PKHD1L1: variants seen among roughly 807,000 people sequenced by gnomAD.
PKHD1L1 encodes fibrocystin-L.
In PKHD1L1, 434 loss-of-function variants were observed where a neutral mutation model predicts 462.9. That is an observed-to-expected ratio of 0.94 (90% CI 0.87 to 1.02). PKHD1L1 has a LOEUF of 1.02. Ranked by LOEUF, PKHD1L1 falls within the 50% of genes least tolerant of loss-of-function variation. The probability of loss-of-function intolerance (pLI) is 0.00; values close to 1 mark genes in which losing one functional copy is unlikely to be tolerated. For synonymous variants in PKHD1L1, 1,781 were observed against 1,750.0 expected (o/e 1.02, Z -0.44); for missense variants, 5,202 against 5,096.1 (o/e 1.02, Z -0.63).
At chr8:109,521,724 G>A (rs1027901897) in intron 73 of PKHD1L1, among the ~76,000 whole-genome samples, 2 of 152,044 alleles carry the variant, frequency 1.3e-5, no homozygotes, top group Non-Finnish European at 2.9e-5. Context: ...AGTAACAATT[G>A]GTTAGTAATT....
chr8:109,452,500 A>AT (rs1182049319), intron 42 of PKHD1L1, among the ~76,000 whole-genome samples: 13 of 151,604 alleles, frequency 8.6e-5, no homozygotes, highest in Non-Finnish European at 1.9e-4. Context: ...TTGGTAATAG[A>AT]TTTTTTAAAC....
intron 50 of PKHD1L1, among the ~76,000 whole-genome samples, chr8:109,473,457 A>C (rs900275838): frequency 6.6e-6 from 1 of 151,736 alleles, no homozygotes; most frequent in Non-Finnish European, 1.5e-5. Flanking sequence ...CAGAGTTTGC[A>C]GTGAGCCGAG....
Position 109,461,876 on chromosome 8 carries a change from A to T in PKHD1L1, c.7351A>T (p.Asn2451Tyr). 1 of 1,604,436 alleles carries T rather than the reference A, an allele frequency of 6.2e-7. No individual in the cohort carries two copies. Among genetic ancestry groups the T allele is most frequent in the Non-Finnish European group, 8.5e-7 (1 of 1,175,024 alleles). ...GTTTCATGCTCCTGTACCTGGTGCT[A>T]ACATGGTAACTGGGAGAATAGAATA... ...VMFHAPVPGA[N>Y]MVTGRIEYVE... The change falls in exon 48 of 78, where the codon AAC (asparagine) becomes TAC (tyrosine). Residue 2451 changes from asparagine to tyrosine, a missense_variant. By Grantham distance (143) the Asn-to-Tyr change is moderately radical. This residue lies in a region of PKHD1L1 where 4,497 missense variants were observed against 4,336.8 expected (regional missense o/e 1.04). Transcript: ENST00000378402.
chr8:109,364,977 T>C (rs1000956204), intron 2 of PKHD1L1, among the ~76,000 whole-genome samples: 7 of 152,274 alleles, frequency 4.6e-5, no homozygotes, highest in Admixed American at 3.3e-4. Context: ...AAATAAAACA[T>C]TTTGTGGGTG....
At position 109,523,252 on chromosome 8, in the gene PKHD1L1, G is replaced by A. The variant is rs1373898694; in HGVS notation, c.12350G>A (p.Gly4117Glu). The change falls in exon 76 of 78, where the codon GGA (glycine) becomes GAA (glutamate). Residue 4117 changes from glycine (G) to glutamate (E), a missense_variant. This residue lies in a region of PKHD1L1 where 698 missense variants were observed against 736.3 expected (regional missense o/e 0.95). Transcript: ENST00000378402. ...TTTTAGGGTAACTGTGTATCAGTTG[G>A]AATTACTGCACTAACTTTGAGGGCC... ...TDSDGNCVSV[G>E]ITALTLRAIL... 1.2e-6 allele frequency: 2 copies of A among 1,604,900 alleles called. No homozygotes were observed. Among genetic ancestry groups the A allele is most frequent in the Non-Finnish European group, 1.7e-6 (2 of 1,174,402 alleles).
At chr8:109,411,038 T>C (rs1813833730) in intron 19 of PKHD1L1, among the ~76,000 whole-genome samples, 1 of 152,026 alleles carries the variant, frequency 6.6e-6, no homozygotes, top group Admixed American at 6.6e-5. Context: ...TGGTTTTTGT[T>C]TTCTTAGCTT....
chr8:109,448,517 G>GTTTT, intron 39 of PKHD1L1, 126 bp downstream of exon 39: 1 of 925,900 alleles, frequency 1.1e-6, no homozygotes, highest in Admixed American at 3.7e-5. Flanking sequence ...TGTTTGTTTG[G>GTTTT]TTTTTTTTTT....
chr8:109,481,181 A>T (rs1647031118), intron 55 of PKHD1L1, among the ~76,000 whole-genome samples: 1 of 151,968 alleles, frequency 6.6e-6, no homozygotes, highest in Non-Finnish European at 1.5e-5. Context: ...CCACTAGTTT[A>T]GGTCTTATGA....
rs755329802 is a variant in PKHD1L1, at chr8:109,523,368, C to A, written c.12466C>A (p.Leu4156Ile). ...CAGCTGTTGGGCCAACTACACAGAC[C>A]TTACTCCCCTTAGAACAGGTGGGTG... The part of the protein sequence containing the change: ...FSSCWANYTD[L>I]TPLRTGKNYK... Residue 4156 changes from leucine (L) to isoleucine (I), a missense_variant, in exon 76 of 78, where the codon CTT becomes ATT. Leu to Ile is a conservative substitution (Grantham distance 5). This residue lies in a region of PKHD1L1 where 698 missense variants were observed against 736.3 expected (regional missense o/e 0.95). Transcript: ENST00000378402. 3.1e-6 allele frequency: 5 copies of A among 1,612,874 alleles called. No homozygotes were observed. In the South Asian group the frequency reaches 5.5e-5, roughly 18 times the overall value.
At chr8:109,404,755 C>G in intron 15 of PKHD1L1, 42 bp downstream of exon 15, 1 of 1,514,634 alleles carries the variant, frequency 6.6e-7, no homozygotes, top group Non-Finnish European at 8.9e-7. Context: ...AGTAAATGTT[C>G]GAAGGCAGGA....
Position 109,518,438 on chromosome 8 carries a change from A to G in PKHD1L1, c.11961A>G (p.Arg3987=). The G allele has an allele frequency of 6.2e-7, 1 of 1,611,466 alleles. No homozygotes were observed. Among genetic ancestry groups the G allele is most frequent in the East Asian group, 2.2e-5 (1 of 44,858 alleles). ...KIRGKSLRRK[R]SMGFIIEIEI... is the part of the protein sequence containing the mutation. ...GAGGGAAGAGTCTGAGGAGGAAGAG[A>G]TCCATGGGATTCATAATTGAAATAG... Residue 3987 remains arginine (R), a synonymous_variant, in exon 73 of 78, where the codon AGA becomes AGG. Coordinates refer to ENST00000378402, the MANE Select transcript of PKHD1L1 (RefSeq NM_177531.6).
intron 21 of PKHD1L1, among the ~76,000 whole-genome samples, chr8:109,417,263 T>C (rs1814225263): frequency 1.3e-5 from 2 of 152,124 alleles, no homozygotes; most frequent in South Asian, 4.1e-4. Context: ...TTTTACATGA[T>C]ATGATTATTA....
In PKHD1L1 at chr8:109,443,025, T is replaced by C. The variant is rs1462068192; in HGVS notation, c.4473T>C (p.Phe1491=). The change falls in exon 36 of 78, where the codon TTT becomes TTC. Residue 1491 remains phenylalanine, a synonymous_variant. Coordinates refer to ENST00000378402, the MANE Select transcript of PKHD1L1 (RefSeq NM_177531.6). ...ATGTTGATGAGGCTCACTCCATTTT[T>C]CTCCAAGGAGTCATTAATGTTTTAC... ...SGYVDEAHSI[F]LQGVINVLPA... is the part of the protein sequence containing the mutation. 2 of 1,613,700 alleles carry C rather than the reference T, an allele frequency of 1.2e-6. No individual in the cohort carries two copies. The highest frequency in any genetic ancestry group is 1.1e-5 in the South Asian group (1 of 91,074).
At chr8:109,447,493 A>T (rs1816214348) in intron 38 of PKHD1L1, among the ~76,000 whole-genome samples, 1 of 152,218 alleles carries the variant, frequency 6.6e-6, no homozygotes, top group Non-Finnish European at 1.5e-5. Context: ...TTCCACGTTT[A>T]ATGCCCTTCA....
chr8:109,480,058 A>C lies in PKHD1L1; in HGVS notation c.9246A>C (p.Glu3082Asp). Residue 3082 changes from glutamate to aspartate, a missense_variant, in exon 55 of 78, where the codon GAA becomes GAC. This residue lies in a region of PKHD1L1 where 4,497 missense variants were observed against 4,336.8 expected (regional missense o/e 1.04). Transcript: ENST00000378402. ...MERLIIWGVL[E>D]LEDKYNVGAA... ...GACTCATTATTTGGGGGGTTCTAGAACTGGAAGATAAATACAATGTAGGAG... is the reference window on the plus strand; with the variant it reads ...GACTCATTATTTGGGGGGTTCTAGACCTGGAAGATAAATACAATGTAGGAG... The C allele has an allele frequency of 6.3e-7, 1 of 1,591,772 alleles. No homozygotes were observed. The highest frequency in any genetic ancestry group is 8.6e-7 in the Non-Finnish European group (1 of 1,169,404).
In PKHD1L1 at chr8:109,420,576, T is replaced by G. The variant is rs761459574; in HGVS notation, c.2583T>G (p.Phe861Leu). The part of the protein sequence containing the change: ...LANKGIFLEH[F>L]QVNQTKTNGP... ...ATAAAGGAATATTCTTAGAGCACTTTCAGGTGAATCAGACCAAAACAAATG... is the reference window on the plus strand; with the variant it reads ...ATAAAGGAATATTCTTAGAGCACTTGCAGGTGAATCAGACCAAAACAAATG... Residue 861 changes from phenylalanine (F) to leucine (L), a missense_variant, in exon 23 of 78, where the codon TTT becomes TTG. By Grantham distance (22) the Phe-to-Leu change is conservative. Around this residue, in one of 3 missense-constraint regions of PKHD1L1, gnomAD observed 4,497 missense variants for 4,336.8 expected, o/e 1.04. Coordinates refer to ENST00000378402, the MANE Select transcript of PKHD1L1 (RefSeq NM_177531.6). The G allele has an allele frequency of 3.1e-6, 5 of 1,610,242 alleles. No homozygotes were observed. The East Asian group carries it at 9.0e-5, about 29-fold the overall frequency.
chr8:109,526,792 T>A lies in PKHD1L1; in HGVS notation c.12493T>A (p.Tyr4165Asn), dbSNP rs1043178017. The A allele has an allele frequency of 1.3e-6, 2 of 1,546,514 alleles. No individual in the cohort carries two copies. The highest frequency in any genetic ancestry group is 2.7e-5 in the African/African-American group (2 of 72,754). Residue 4165 changes from tyrosine (Y) to asparagine (N), a missense_variant, in exon 77 of 78, where the codon TAT (tyrosine) becomes AAT (asparagine). Physicochemically the swap from Tyr to Asn is moderately radical, Grantham distance 143. This residue lies in a region of PKHD1L1 where 698 missense variants were observed against 736.3 expected (regional missense o/e 0.95). Coordinates refer to ENST00000378402, the MANE Select transcript of PKHD1L1 (RefSeq NM_177531.6). ...DLTPLRTGKN[Y>N]KIEFILDNVV... ...ATGCTTTTTTTTTCCAGGAAAAAAT[T>A]ATAAGATTGAATTTATACTGGATAA...
intron 14 of PKHD1L1, among the ~76,000 whole-genome samples, chr8:109,402,871 A>T (rs1467971327): frequency 6.6e-6 from 1 of 152,196 alleles, no homozygotes; most frequent in East Asian, 1.9e-4. Flanking sequence ...CTGAGGTCTT[A>T]GTAATACTGA....
intron 10 of PKHD1L1, among the ~76,000 whole-genome samples, chr8:109,394,923 C>T (rs1812895549): frequency 6.6e-6 from 1 of 152,164 alleles, no homozygotes; most frequent in African/African-American, 2.4e-5. Flanking sequence ...GCTTAGCTTT[C>T]CTTAAACGTG....
Sources: allele counts gnomAD v4.1 joint callset (sites outside exome capture counted in the v4.1 genomes callset), GRCh38; gene constraint gnomAD v4.1.1; regional missense constraint gnomAD v4.1.1; transcripts MANE v1.5; gene names NCBI Gene and HGNC (gene_info 2026-07-23, HGNC 2026-07-21).